The following CDKL1 variants were observed in gnomAD, a reference collection of about 807,000 sequenced individuals.
CDKL1 encodes cyclin-dependent kinase-like 1.
CDKL1 carries 41 observed loss-of-function variants against 42.0 expected under a neutral mutation model. The ratio of observed to expected loss-of-function variants is 0.98; its 90% confidence interval spans 0.76 to 1.27. The LOEUF is 1.27. Among genes scored for constraint, CDKL1 ranks in the 50% most tolerant of loss-of-function variants. The pLI is 0.00. For synonymous variants in CDKL1, 153 were observed against 158.6 expected (o/e 0.96, Z 0.26); for missense variants, 394 against 428.4 (o/e 0.92, Z 0.71).
intron 2 of CDKL1, among the ~76,000 whole-genome samples, chr14:50,387,761 A>G (rs539201379): frequency 6.6e-6 from 1 of 152,340 alleles, no homozygotes; most frequent in African/African-American, 2.4e-5. Context: ...AAAACAATTA[A>G]TAGACATATG....
intron 2 of CDKL1, among the ~76,000 whole-genome samples, chr14:50,369,635 C>CAT (rs1491168053): frequency 4.5e-5 from 5 of 111,632 alleles, no homozygotes; most frequent in African/African-American, 1.1e-4. Context: ...CACACACACA[C>CAT]ATATATATAT....
intron 5 of CDKL1, 21 bp downstream of exon 5, chr14:50,342,106 TAACAA>T: frequency 6.3e-7 from 1 of 1,593,166 alleles, no homozygotes; most frequent in South Asian, 1.1e-5. Flanking sequence ...TTTTTATACT[TAACAA>T]AAGAAAATGT....
At chr14:50,352,177 A>C (rs2033922977) in intron 3 of CDKL1, among the ~76,000 whole-genome samples, 1 of 152,192 alleles carries the variant, frequency 6.6e-6, no homozygotes, top group African/African-American at 2.4e-5. Flanking sequence ...TGGCATCAGC[A>C]TATAGTGGCC....
Position 50,341,154 on chromosome 14 carries a change from T to C in CDKL1, c.533A>G (p.Gln178Arg), listed in dbSNP as rs765379579. Residue 178 changes from glutamine to arginine, a missense_variant, in exon 6 of 10, where the codon CAG (glutamine) becomes CGG (arginine). Coordinates refer to ENST00000395834, the MANE Select transcript of CDKL1 (RefSeq NM_004196.7). ...CCAAACATCCACCGGGGGGCCGTAC[T>C]GCGTGTCCCCCACCAGCAGCTCAGG... ...RSPELLVGDT[Q>R]YGPPVDVWAI... 2.5e-6 allele frequency: 4 copies of C among 1,614,014 alleles called. No homozygotes were observed. Among genetic ancestry groups the C allele is most frequent in the Non-Finnish European group, 3.4e-6 (4 of 1,180,028 alleles).
intron 2 of CDKL1, among the ~76,000 whole-genome samples, chr14:50,374,024 A>T (rs1413135859): frequency 1.5e-4 from 23 of 152,238 alleles, no homozygotes; most frequent in Admixed American, 1.5e-3. Context: ...GAAGCAACCA[A>T]GTTGTCTTCC....
In CDKL1 at chr14:50,341,246, G is replaced by T. The variant is rs755053362; in HGVS notation, c.455-14C>A. Reference sequence around the variant, plus strand: ...CACTCGGTCCAGCTAGCCAGTGATGGAACATGGAAAACAAACAGCAGCGGA... The same window carrying T: ...CACTCGGTCCAGCTAGCCAGTGATGTAACATGGAAAACAAACAGCAGCGGA... On this transcript the variant is annotated splice_polypyrimidine_tract_variant and intron_variant, in intron 5 of 9. Coordinates refer to ENST00000395834, the MANE Select transcript of CDKL1 (RefSeq NM_004196.7). 5.1e-6 allele frequency: 8 copies of T among 1,575,642 alleles called. No individual in the cohort carries two copies. The South Asian group carries it at 9.2e-5, about 18-fold the overall frequency.
At chr14:50,347,899 G>C (rs1403055165) in intron 3 of CDKL1, among the ~76,000 whole-genome samples, 1 of 152,170 alleles carries the variant, frequency 6.6e-6, no homozygotes, top group African/African-American at 2.4e-5. Context: ...AGCATCAAGT[G>C]AATAAGACAA....
At chr14:50,368,236 A>G (rs965597938) in intron 2 of CDKL1, among the ~76,000 whole-genome samples, 5 of 151,736 alleles carry the variant, frequency 3.3e-5, no homozygotes, top group Non-Finnish European at 1.5e-5. Context: ...CTGGGATTAC[A>G]GGCGTGAGAC....
chr14:50,330,839 C>T (rs1274647888), intron 9 of CDKL1: 1 of 152,182 alleles, frequency 6.6e-6, no homozygotes, highest in Non-Finnish European at 1.5e-5. Flanking sequence ...AAAAAGGGAA[C>T]TGTTTAGTAC....
intron 2 of CDKL1, among the ~76,000 whole-genome samples, chr14:50,360,175 C>T (rs994285854): frequency 2.0e-5 from 3 of 152,148 alleles, no homozygotes; most frequent in Admixed American, 6.5e-5. Flanking sequence ...ATCGCATTAA[C>T]TTTCCGCCCT....
At chr14:50,371,980 G>A (rs1196936376) in intron 2 of CDKL1, among the ~76,000 whole-genome samples, 3 of 152,192 alleles carry the variant, frequency 2.0e-5, no homozygotes, top group Admixed American at 6.5e-5. Context: ...CTGCTGCCTC[G>A]GACCCCTCTG....
At chr14:50,368,714 C>T (rs909523305) in intron 2 of CDKL1, among the ~76,000 whole-genome samples, 1 of 152,066 alleles carries the variant, frequency 6.6e-6, no homozygotes, top group African/African-American at 2.4e-5. Flanking sequence ...GCTACGTATC[C>T]TACGTGGGCA....
intron 3 of CDKL1, among the ~76,000 whole-genome samples, chr14:50,353,143 G>T (rs576634344): frequency 6.6e-6 from 1 of 152,106 alleles, no homozygotes; most frequent in Non-Finnish European, 1.5e-5. Context: ...TTATGTGTTC[G>T]TTTCACAAAA....
chr14:50,328,730 C>T lies in CDKL1; in HGVS notation c.*1344G>A, dbSNP rs2032795666. ...TTTGGCCAGGCGCAGTGGCTCATGC[C>T]TGTAATGCCAGCACTTTGGAAGGCC... On this transcript the variant is annotated 3_prime_UTR_variant, in exon 10 of 10. Coordinates refer to ENST00000395834, the MANE Select transcript of CDKL1 (RefSeq NM_004196.7). 1 of 152,060 alleles carries T rather than the reference C, an allele frequency of 6.6e-6. No homozygotes were observed. Among genetic ancestry groups the T allele is most frequent in the African/African-American group, 2.4e-5 (1 of 41,370 alleles). 9.4% of individuals were successfully genotyped at this position (152,060 alleles called of 1,614,324 possible). A position where few individuals can be genotyped will look rare whatever the true frequency, so the allele number is the denominator to read the frequency against.
In CDKL1 at chr14:50,341,163, C is replaced by A; in HGVS notation, c.524G>T (p.Gly175Val). The change falls in exon 6 of 10, where the codon GGG (glycine) becomes GTG (valine). Residue 175 changes from glycine to valine, a missense_variant. Coordinates refer to ENST00000395834, the MANE Select transcript of CDKL1 (RefSeq NM_004196.7). ...CACCGGGGGGCCGTACTGCGTGTCC[C>A]CCACCAGCAGCTCAGGGGAGCGGTA... ...RWYRSPELLV[G>V]DTQYGPPVDV... 1.2e-6 allele frequency: 2 copies of A among 1,614,160 alleles called. No individual in the cohort carries two copies.
chr14:50,341,646 T>C (rs1233300342), intron 5 of CDKL1, among the ~76,000 whole-genome samples: 1 of 152,028 alleles, frequency 6.6e-6, no homozygotes, highest in East Asian at 1.9e-4. Context: ...CCAGGTGTGG[T>C]GGCTCATGCC....
intron 3 of CDKL1, among the ~76,000 whole-genome samples, chr14:50,347,505 C>T (rs960013363): frequency 5.9e-5 from 9 of 152,030 alleles, no homozygotes; most frequent in African/African-American, 1.7e-4. Flanking sequence ...AATAGAGCTT[C>T]CAGGATTTTC....
chr14:50,350,703 C>T (rs551460960), intron 3 of CDKL1, among the ~76,000 whole-genome samples: 91 of 152,278 alleles, frequency 6.0e-4, no homozygotes, highest in African/African-American at 1.6e-3. Flanking sequence ...AAATGAGAGT[C>T]GGGCAAGGTA....
chr14:50,397,225 C>G (rs368482800), upstream of CDKL1: 4 of 1,366,640 alleles, frequency 2.9e-6, 1 homozygote, highest in Middle Eastern at 6.3e-4. Context: ...CACCTCAGAA[C>G]CGCGGTTATT....
Sources: allele counts gnomAD v4.1 joint callset (sites outside exome capture counted in the v4.1 genomes callset), GRCh38; gene constraint gnomAD v4.1.1; transcripts MANE v1.5; gene names NCBI Gene and HGNC (gene_info 2026-07-23, HGNC 2026-07-21).